The following PPARGC1B variants were observed in gnomAD, a reference collection of about 807,000 sequenced individuals.
PPARGC1B encodes the protein peroxisome proliferator-activated receptor gamma coactivator 1-beta.
Under a neutral mutation model 101.6 loss-of-function variants are expected in PPARGC1B, and 34 were observed. That is an observed-to-expected ratio of 0.33 (90% CI 0.25 to 0.45). PPARGC1B has a LOEUF of 0.45. PPARGC1B is among the 20% of genes least tolerant of loss of function. PPARGC1B has a pLI of 1.00. For synonymous variants in PPARGC1B, 548 were observed against 539.3 expected (o/e 1.02, Z -0.22); for missense variants, 1,234 against 1,317.6 (o/e 0.94, Z 0.98).
At position 149,821,875 on chromosome 5, in the gene PPARGC1B, G is replaced by A. The variant is rs183953618; in HGVS notation, c.252+1269G>A. ...CTGAGGAAGAGAAGCTATCAGTTGT[G>A]TACTCCTAATAATCGATTTTACAGA... is the stretch of plus-strand genomic sequence containing the variant. On this transcript the variant is annotated intron_variant, in intron 2 of 11. Coordinates refer to ENST00000309241, the MANE Select transcript of PPARGC1B (RefSeq NM_133263.4). Among the ~76,000 whole-genome samples the A allele has an allele frequency of 1.8e-3, 268 of 152,318 alleles. 2 individuals are homozygous for A. Among genetic ancestry groups the A allele is most frequent in the African/African-American group, 6.2e-3 (256 of 41,566 alleles).
In PPARGC1B at chr5:149,832,525, G is replaced by T; in HGVS notation, c.583-131G>T. ...CGGCTCTGTGTGGGAAGCTGGGGAC[G>T]GAATGAAGGAAACCTGGCTGTTCCT... On this transcript the variant is annotated intron_variant, in intron 4 of 11. Transcript: ENST00000309241. This position sits in a 1 kb window ranked among gnomAD's most constrained non-coding sequence, Gnocchi z 4.9. The T allele has an allele frequency of 1.4e-6, 1 of 732,388 alleles. No individual in the cohort carries two copies. 45.4% of individuals were successfully genotyped at this position (732,388 alleles called of 1,614,324 possible).
intron 1 of PPARGC1B, among the ~76,000 whole-genome samples, chr5:149,751,245 C>A (rs922274777): frequency 6.6e-6 from 1 of 152,136 alleles, no homozygotes; most frequent in African/African-American, 2.4e-5. Context: ...AAATGCCTTT[C>A]AACTGAATAT....
At chr5:149,823,826 G>T (rs1265900684) in intron 2 of PPARGC1B, among the ~76,000 whole-genome samples, 1 of 152,140 alleles carries the variant, frequency 6.6e-6, no homozygotes, top group African/African-American at 2.4e-5. Context: ...AAATTGATGG[G>T]TGCTTCTTGA....
chr5:149,842,731 G>A (rs906333410), intron 10 of PPARGC1B, among the ~76,000 whole-genome samples: 1 of 152,232 alleles, frequency 6.6e-6, no homozygotes, highest in African/African-American at 2.4e-5. Context: ...CAGAACCGGA[G>A]CCCATGTGTC....
chr5:149,834,594 C>T, intron 5 of PPARGC1B, 80 bp from the exon 6 acceptor site: 1 of 1,329,856 alleles, frequency 7.5e-7, no homozygotes, highest in Non-Finnish European at 1.1e-6. Context: ...CCAGTGGAGG[C>T]CTAGGGTCTC....
intron 2 of PPARGC1B, 42 bp downstream of exon 2, chr5:149,820,648 C>T (rs1435307518): frequency 6.4e-7 from 1 of 1,567,018 alleles, no homozygotes. Flanking sequence ...CCTGCCAGGC[C>T]TCTCTCTCCT....
chr5:149,816,709 G>A (rs1242495549), intron 1 of PPARGC1B, among the ~76,000 whole-genome samples: 1 of 152,172 alleles, frequency 6.6e-6, no homozygotes, highest in East Asian at 1.9e-4. Flanking sequence ...TGGAGAGAGG[G>A]AGATCTGGAA....
chr5:149,765,627 G>A (rs1337332200), intron 1 of PPARGC1B, among the ~76,000 whole-genome samples: 1 of 152,112 alleles, frequency 6.6e-6, no homozygotes, highest in Admixed American at 6.6e-5. Flanking sequence ...GGGAGGCCGA[G>A]GCGGGCGGAT....
intron 1 of PPARGC1B, among the ~76,000 whole-genome samples, chr5:149,811,086 G>A (rs946443230): frequency 2.0e-5 from 3 of 152,276 alleles, no homozygotes; most frequent in East Asian, 1.9e-4. Flanking sequence ...ACATGCCTAC[G>A]TTGTCTTTTA....
At chr5:149,789,423 A>G (rs976326170) in intron 1 of PPARGC1B, among the ~76,000 whole-genome samples, 1 of 152,226 alleles carries the variant, frequency 6.6e-6, no homozygotes, top group African/African-American at 2.4e-5. Context: ...TCTGCAAAGT[A>G]GGACAAATGA....
rs202211888 is a variant in PPARGC1B at position 149,836,560 on chromosome 5, G to T, written c.2105G>T (p.Gly702Val). Residue 702 changes from glycine to valine, a missense_variant, in exon 8 of 12, where the codon GGC becomes GTC. By Grantham distance (109) the Gly-to-Val change is moderately radical. This residue lies in a region of PPARGC1B where 497 missense variants were observed against 529.5 expected (regional missense o/e 0.94). Coordinates refer to ENST00000309241, the MANE Select transcript of PPARGC1B (RefSeq NM_133263.4). ...HDYCQVLRPE[G>V]VLQRKVLRSW... ...TACTGCCAGGTGCTCCGACCAGAAGGCGTCCTGCAAAGGAAGGTGCTGAGG... is the reference window on the plus strand; with the variant it reads ...TACTGCCAGGTGCTCCGACCAGAAGTCGTCCTGCAAAGGAAGGTGCTGAGG... 187 of 1,613,878 alleles carry T rather than the reference G, an allele frequency of 1.2e-4. 2 individuals are homozygous for T. The highest frequency in any genetic ancestry group is 7.5e-4 in the South Asian group (68 of 91,084).
Position 149,854,963 on chromosome 5 carries a change from C to G in PPARGC1B, c.*7405C>G, listed in dbSNP as rs1475758131. 6.6e-6 allele frequency: 1 copy of G among 152,198 alleles called. No individual in the cohort carries two copies. Among genetic ancestry groups the G allele is most frequent in the Non-Finnish European group, 1.5e-5 (1 of 68,040 alleles). 9.4% of individuals were successfully genotyped at this position (152,198 alleles called of 1,614,324 possible). A position where few individuals can be genotyped will look rare whatever the true frequency, so the allele number is the denominator to read the frequency against. ...CATGTACTGTAAATAGTGAAGTGAT[C>G]TGCTTATAAATAAACTTAACAAATA... is the stretch of plus-strand genomic sequence containing the variant. On this transcript the variant is annotated 3_prime_UTR_variant, in exon 12 of 12. Transcript: ENST00000309241.
intron 1 of PPARGC1B, among the ~76,000 whole-genome samples, chr5:149,739,810 G>A (rs552722404): frequency 6.6e-6 from 1 of 152,292 alleles, no homozygotes; most frequent in East Asian, 1.9e-4. Context: ...CTGACCACGA[G>A]TTCTCTCATG....
intron 11 of PPARGC1B, chr5:149,846,377 T>C (rs187519440): frequency 3.6e-4 from 76 of 208,442 alleles, no homozygotes; most frequent in South Asian, 2.7e-3. Flanking sequence ...CTCATGCCTG[T>C]AATCCCATCA....
chr5:149,772,871 G>A (rs1277181603), intron 1 of PPARGC1B, among the ~76,000 whole-genome samples: 7 of 152,130 alleles, frequency 4.6e-5, no homozygotes, highest in Admixed American at 1.3e-4. Flanking sequence ...GGTTTGGTGT[G>A]ACAGTGTTTG....
At chr5:149,796,122 T>C (rs1316413726) in intron 1 of PPARGC1B, among the ~76,000 whole-genome samples, 1 of 152,058 alleles carries the variant, frequency 6.6e-6, no homozygotes, top group Non-Finnish European at 1.5e-5. Flanking sequence ...TTTCAGACAG[T>C]GATGTAGATC....
chr5:149,842,500 A>C, intron 10 of PPARGC1B, 123 bp downstream of exon 10: 1 of 1,372,904 alleles, frequency 7.3e-7, no homozygotes. Context: ...CATAGCCTAG[A>C]TGTGGAAAGC....
At chr5:149,811,424 C>A (rs1462186980) in intron 1 of PPARGC1B, among the ~76,000 whole-genome samples, 2 of 152,198 alleles carry the variant, frequency 1.3e-5, no homozygotes, top group Non-Finnish European at 1.5e-5. Context: ...ACTTAGTTTT[C>A]ATTGAAATCT....
intron 1 of PPARGC1B, among the ~76,000 whole-genome samples, chr5:149,755,031 C>CTACATATACATA (rs1179338829): frequency 8.4e-6 from 1 of 119,720 alleles, no homozygotes; most frequent in Non-Finnish European, 1.7e-5. Flanking sequence ...CACATATACA[C>CTACATATACATA]TACATATACA....
Sources: gnomAD v4.1 joint callset for allele counts (sites outside exome capture counted in the v4.1 genomes callset) on GRCh38, gnomAD v4.1.1 for gene constraint, gnomAD v4.1.1 regional missense constraint, Gnocchi (gnomAD v3.1) non-coding constraint, MANE v1.5 for transcripts, NCBI Gene and HGNC (gene_info 2026-07-23, HGNC 2026-07-21) for gene names.